Variants in KCNIP4 observed in about 807,000 individuals in gnomAD.
KCNIP4 encodes the protein Kv channel-interacting protein 4.
A neutral mutation model predicts 34.0 loss-of-function variants in KCNIP4; 12 were observed. The observed-to-expected ratio is 0.35, with a 90% CI of 0.23 to 0.57. The LOEUF (loss-of-function observed/expected upper bound fraction) is 0.57, where lower values mean the gene tolerates loss of function less well. Ranked by LOEUF, KCNIP4 falls within the 20% of genes least tolerant of loss-of-function variation. The pLI is 0.83. For synonymous variants in KCNIP4, 124 were observed against 102.2 expected (o/e 1.21, Z -1.29); for missense variants, 238 against 311.7 (o/e 0.76, Z 1.78).
intron 1 of KCNIP4, among the ~76,000 whole-genome samples, chr4:21,152,914 T>C (rs6845555): frequency 0.66 from 99,623 of 152,018 alleles, 33,170 homozygotes; most frequent in African/African-American, 0.77. Flanking sequence ...CAACCCTGTC[T>C]GTGGAAAAAT....
chr4:21,298,700 TTCA>T lies in KCNIP4; in HGVS notation c.62-415994_62-415992del, dbSNP rs1468535268. Among the ~76,000 whole-genome samples, 6 of 152,188 alleles carry T rather than the reference TTCA, an allele frequency of 3.9e-5. No homozygotes were observed. The South Asian group carries it at 8.3e-4, about 21-fold the overall frequency. ...TTGACTGAAATTTAATGCTGATTTA[TTCA>T]TGTTACAAGAGTTTGTTTAATTTAT... On this transcript the variant is annotated intron_variant, in intron 1 of 8. Transcript: ENST00000382152.
Position 21,750,279 on chromosome 4 carries a change from T to A in KCNIP4, c.61+198292A>T, listed in dbSNP as rs80225786. Among the ~76,000 whole-genome samples, 1,331 of 152,294 alleles carry A rather than the reference T, an allele frequency of 8.7e-3. 19 individuals carry two copies. The highest frequency in any genetic ancestry group is 0.039 in the South Asian group (188 of 4,830). ...AAGCACAAGAGTAGTGATGCTGGCA[T>A]TTCAAACATGCCAAAAAGAAGCTGT... is the stretch of plus-strand genomic sequence containing the variant. On this transcript the variant is annotated intron_variant, in intron 1 of 8. Transcript: ENST00000382152.
At chr4:21,708,962 CTTCCT>C (rs772653151) in intron 1 of KCNIP4, among the ~76,000 whole-genome samples, 1 of 152,032 alleles carries the variant, frequency 6.6e-6, no homozygotes, top group South Asian at 2.1e-4. Flanking sequence ...ATTTTCTCCC[CTTCCT>C]TTATTAATTT....
chr4:21,530,855 T>A (rs545092683), intron 1 of KCNIP4, among the ~76,000 whole-genome samples: 1 of 152,204 alleles, frequency 6.6e-6, no homozygotes, highest in South Asian at 2.1e-4. Context: ...AATCAGTAAG[T>A]TGAGGATGGC....
At chr4:20,759,219 G>A (rs1022664802) in intron 3 of KCNIP4, among the ~76,000 whole-genome samples, 11 of 152,140 alleles carry the variant, frequency 7.2e-5, no homozygotes, top group Non-Finnish European at 2.9e-5. Flanking sequence ...CAAGCATGTT[G>A]CAAGATGTTT....
intron 1 of KCNIP4, among the ~76,000 whole-genome samples, chr4:21,370,582 G>T (rs1720242100): frequency 7.0e-6 from 1 of 143,470 alleles, no homozygotes; most frequent in Admixed American, 6.7e-5. Flanking sequence ...CATCAAAGTA[G>T]GTTGAAAGTA....
chr4:21,446,002 A>T (rs1444175758), intron 1 of KCNIP4, among the ~76,000 whole-genome samples: 7 of 152,238 alleles, frequency 4.6e-5, no homozygotes, highest in Non-Finnish European at 8.8e-5. Flanking sequence ...ACATTTATGC[A>T]GCCAACAGAC....
At chr4:21,288,657 T>C (rs992936524) in intron 1 of KCNIP4, among the ~76,000 whole-genome samples, 9 of 152,120 alleles carry the variant, frequency 5.9e-5, no homozygotes, top group Admixed American at 2.0e-4. Flanking sequence ...ACATTACAAA[T>C]TGGGTAAGTT....
intron 1 of KCNIP4, among the ~76,000 whole-genome samples, chr4:21,491,188 C>G (rs1379278824): frequency 6.6e-6 from 1 of 152,006 alleles, no homozygotes; most frequent in African/African-American, 2.4e-5. Context: ...ATCACAGGTA[C>G]CCTTGCAGCA....
intron 1 of KCNIP4, among the ~76,000 whole-genome samples, chr4:21,926,968 G>A (rs1280032903): frequency 6.6e-6 from 1 of 152,182 alleles, no homozygotes; most frequent in East Asian, 1.9e-4. Context: ...TGGTAGGTCA[G>A]AAGTCTGACA....
At chr4:21,223,883 C>A (rs1758165043) in intron 1 of KCNIP4, among the ~76,000 whole-genome samples, 1 of 151,922 alleles carries the variant, frequency 6.6e-6, no homozygotes, top group South Asian at 2.1e-4. Flanking sequence ...CATCTTTGTT[C>A]TGTGGTTCAC....
chr4:21,013,284 A>T (rs56066789), intron 1 of KCNIP4, among the ~76,000 whole-genome samples: 1 of 152,102 alleles, frequency 6.6e-6, no homozygotes. Context: ...GATTGCAGGA[A>T]TTAGGTTAGG....
At chr4:21,234,008 CATATATAACATATATT>C (rs1332347803) in intron 1 of KCNIP4, among the ~76,000 whole-genome samples, 1 of 112,320 alleles carries the variant, frequency 8.9e-6, no homozygotes, top group East Asian at 2.4e-4. Context: ...TAATATATAA[CATATATAACATATATT>C]ATATATAACA....
At chr4:21,212,951 G>T (rs879262570) in intron 1 of KCNIP4, among the ~76,000 whole-genome samples, 1 of 152,128 alleles carries the variant, frequency 6.6e-6, no homozygotes, top group Non-Finnish European at 1.5e-5. Context: ...TATACATGGG[G>T]TATTAAAATT....
intron 1 of KCNIP4, among the ~76,000 whole-genome samples, chr4:21,759,887 C>A (rs945604835): frequency 1.3e-5 from 2 of 151,944 alleles, no homozygotes; most frequent in Non-Finnish European, 2.9e-5. Flanking sequence ...CCTCATTTTT[C>A]ACCTCTGCTT....
chr4:20,922,539 G>GTCTATCTATCTA (rs1231904232), intron 1 of KCNIP4, among the ~76,000 whole-genome samples: 85 of 88,140 alleles, frequency 9.6e-4, no homozygotes, highest in Non-Finnish European at 7.4e-4. Flanking sequence ...CTGTCTGTCT[G>GTCTATCTATCTA]TCTGTCTGTC....
chr4:21,003,545 A>C (rs1379183763), intron 1 of KCNIP4, among the ~76,000 whole-genome samples: 1 of 152,236 alleles, frequency 6.6e-6, no homozygotes, highest in Non-Finnish European at 1.5e-5. Context: ...AAAGACACAA[A>C]AAATAGAAAC....
chr4:21,842,484 G>T (rs866632518), intron 1 of KCNIP4, among the ~76,000 whole-genome samples: 2 of 151,986 alleles, frequency 1.3e-5, no homozygotes, highest in African/African-American at 4.8e-5. Context: ...GTAACAGTAC[G>T]CAATGTTGTA....
At chr4:21,623,213 C>G (rs1294952624) in intron 1 of KCNIP4, among the ~76,000 whole-genome samples, 1 of 152,086 alleles carries the variant, frequency 6.6e-6, no homozygotes, top group African/African-American at 2.4e-5. Context: ...TTTTTGAGCA[C>G]TTTATAGATG....
Sources: gnomAD v4.1 joint callset for allele counts (sites outside exome capture counted in the v4.1 genomes callset) on GRCh38, gnomAD v4.1.1 for gene constraint, MANE v1.5 for transcripts, NCBI Gene and HGNC (gene_info 2026-07-23, HGNC 2026-07-21) for gene names.